Variants in ARHGAP20 observed in about 807,000 individuals in gnomAD.
The protein encoded by ARHGAP20 is Rho GTPase activating protein 20.
Under a neutral mutation model 73.7 loss-of-function variants are expected in ARHGAP20, and 34 were observed. That is an observed-to-expected ratio of 0.46 (90% CI 0.35 to 0.61). The LOEUF is 0.61. Among genes scored for constraint, ARHGAP20 ranks in the 20% least tolerant of loss-of-function variants. The probability of loss-of-function intolerance (pLI) is 0.00; values close to 1 mark genes in which losing one functional copy is unlikely to be tolerated. For missense variants in ARHGAP20, 1,314 were observed against 1,420.9 expected, an observed-to-expected ratio of 0.92 and a Z score of 1.21; for synonymous variants, 523 against 518.2, an observed-to-expected ratio of 1.01 and a Z score of -0.13.
chr11:110,648,121 T>C (rs1418756126), intron 2 of ARHGAP20, among the ~76,000 whole-genome samples: 3 of 146,972 alleles, frequency 2.0e-5, no homozygotes, highest in African/African-American at 7.4e-5. Context: ...ATCTTCCTTT[T>C]TACCAAACCC....
At chr11:110,607,618 G>T (rs547590560) in intron 8 of ARHGAP20, among the ~76,000 whole-genome samples, 1 of 151,980 alleles carries the variant, frequency 6.6e-6, no homozygotes, top group Admixed American at 6.6e-5. Flanking sequence ...GCTGGTCTAG[G>T]CATACAATGT....
At chr11:110,652,633 A>G (rs1949381041) in intron 2 of ARHGAP20, among the ~76,000 whole-genome samples, 1 of 152,168 alleles carries the variant, frequency 6.6e-6, no homozygotes, top group Non-Finnish European at 1.5e-5. Context: ...ACTTCCATTC[A>G]CAATCGCTAC....
chr11:110,637,796 C>G (rs1344146062), intron 2 of ARHGAP20, among the ~76,000 whole-genome samples: 6 of 152,048 alleles, frequency 3.9e-5, no homozygotes, highest in Non-Finnish European at 1.5e-5. Context: ...ACTGCATTGG[C>G]TAGGAAAATT....
At chr11:110,690,916 C>T in intron 1 of ARHGAP20, 3 of 1,286,358 alleles carry the variant, frequency 2.3e-6, no homozygotes, top group Non-Finnish European at 3.2e-6. Context: ...CCATCATAAC[C>T]ATTATTACTG....
At chr11:110,619,835 A>C (rs1948590788) in intron 4 of ARHGAP20, among the ~76,000 whole-genome samples, 2 of 152,022 alleles carry the variant, frequency 1.3e-5, no homozygotes. Flanking sequence ...GCAGTGATAG[A>C]GTATATGTAG....
At chr11:110,678,552 T>C (rs774510842) in intron 2 of ARHGAP20, among the ~76,000 whole-genome samples, 1 of 152,234 alleles carries the variant, frequency 6.6e-6, no homozygotes, top group African/African-American at 2.4e-5. Flanking sequence ...AGAGAAACAT[T>C]CTAGAAAGCT....
chr11:110,696,331 G>C (rs184361427), intron 1 of ARHGAP20, among the ~76,000 whole-genome samples: 1 of 151,744 alleles, frequency 6.6e-6, no homozygotes, highest in East Asian at 1.9e-4. Context: ...AATTGATTTG[G>C]TTAATACCAA....
intron 9 of ARHGAP20, among the ~76,000 whole-genome samples, chr11:110,599,993 G>C (rs1207820108): frequency 6.6e-6 from 1 of 152,206 alleles, no homozygotes; most frequent in African/African-American, 2.4e-5. Flanking sequence ...AACACTTGAT[G>C]GGGCACCCTG....
upstream of ARHGAP20, chr11:110,712,635 C>G (rs1209289887): frequency 6.6e-6 from 1 of 152,420 alleles, no homozygotes; most frequent in Non-Finnish European, 1.5e-5. Context: ...CACCGGCTGA[C>G]CTTTTCGGTC....
rs575347961 is a variant in ARHGAP20 at position 110,580,880 on chromosome 11, G to C, written c.2066C>G (p.Ala689Gly). The C allele has an allele frequency of 2.4e-5, 38 of 1,612,864 alleles. 1 individual carries two copies. In the South Asian group the frequency reaches 4.0e-4, roughly 17 times the overall value. The change falls in exon 15 of 15, where the codon GCT becomes GGT. Residue 689 changes from alanine (A) to glycine (G), a missense_variant. Transcript: ENST00000683387. Reference protein sequence around the residue: ...AMCTPSYLSTAAANAAKSLRR... With the variant: ...AMCTPSYLSTGAANAAKSLRR... Reference sequence around the variant, plus strand: ...CAGGCTTTTTGCAGCATTTGCTGCAGCTGTGGACAGGTAGCTGGGTGTGCA... The same window carrying C: ...CAGGCTTTTTGCAGCATTTGCTGCACCTGTGGACAGGTAGCTGGGTGTGCA...
chr11:110,612,726 A>C (rs1434771830), intron 6 of ARHGAP20, among the ~76,000 whole-genome samples: 1 of 152,234 alleles, frequency 6.6e-6, no homozygotes, highest in South Asian at 2.1e-4. Context: ...TTCCATTAAC[A>C]GAATTTCTTC....
intron 2 of ARHGAP20, among the ~76,000 whole-genome samples, chr11:110,659,978 G>A (rs1461698609): frequency 4.7e-5 from 7 of 148,922 alleles, no homozygotes; most frequent in Non-Finnish European, 7.4e-5. Context: ...TGGGTGCAGC[G>A]CACCAGCATG....
chr11:110,625,041 T>A lies in ARHGAP20; in HGVS notation c.354-730A>T, dbSNP rs866117210. 5.8e-3 allele frequency among the ~76,000 whole-genome samples: 802 copies of A among 138,820 alleles called. 4 individuals are homozygous for A. The highest frequency in any genetic ancestry group is 0.015 in the Middle Eastern group (4 of 272). The allele number at this position is 138,820 out of a possible 152,430, so 91.1% of individuals were successfully genotyped here. On this transcript the variant is annotated intron_variant, in intron 3 of 14. Coordinates refer to ENST00000683387, the MANE Select transcript of ARHGAP20 (RefSeq NM_001384657.1). ...TTTTATTTTTATTTTTATTTTTTTT[T>A]TTTTTTTGAGACGGAGTCTCGCTCT...
intron 9 of ARHGAP20, 123 bp downstream of exon 9, chr11:110,606,438 T>C: frequency 9.2e-7 from 1 of 1,084,134 alleles, no homozygotes; most frequent in Non-Finnish European, 1.3e-6. Flanking sequence ...AAAGTCCATC[T>C]TTCCTTTTCA....
intron 1 of ARHGAP20, chr11:110,711,693 T>C: frequency 9.0e-6 from 13 of 1,446,786 alleles, no homozygotes; most frequent in Non-Finnish European, 1.2e-5. Flanking sequence ...CGGGCAGACA[T>C]CGCCGGCCCT....
rs1565416679 is a variant in ARHGAP20 at position 110,580,010 on chromosome 11, A to G, written c.2936T>C (p.Phe979Ser). 7 of 1,614,234 alleles carry G rather than the reference A, an allele frequency of 4.3e-6. No individual in the cohort carries two copies. Among genetic ancestry groups the G allele is most frequent in the African/African-American group, 1.3e-5 (1 of 75,054 alleles). The change falls in exon 15 of 15, where the codon TTT (phenylalanine) becomes TCT (serine). Residue 979 changes from phenylalanine (F) to serine (S), a missense_variant. Physicochemically the swap from Phe to Ser is radical, Grantham distance 155. Around this residue, in one of 3 missense-constraint regions of ARHGAP20, gnomAD observed 641 missense variants for 636.9 expected, o/e 1.01. Transcript: ENST00000683387. ...GTCTTCCCGTTTTCTCTGAGCCTGAAAAGTGCAATCTATTGGAGAGGAAGT... is the reference window on the plus strand; with the variant it reads ...GTCTTCCCGTTTTCTCTGAGCCTGAGAAGTGCAATCTATTGGAGAGGAAGT... Reference protein sequence around the residue: ...TETSSPIDCTFQAQRKREDLS... With the variant: ...TETSSPIDCTSQAQRKREDLS...
rs1233986978 is a variant in ARHGAP20, at chr11:110,579,902, T to C, written c.3044A>G (p.Tyr1015Cys). The C allele has an allele frequency of 2.5e-6, 4 of 1,614,110 alleles. No homozygotes were observed. Among genetic ancestry groups the C allele is most frequent in the Non-Finnish European group, 3.4e-6 (4 of 1,180,052 alleles). ...SSGQACSRPA[Y>C]TKKDTMEWHS... ...CCACTCCATGGTGTCCTTCTTTGTA[T>C]AGGCTGGGCGGCTGCAAGCCTGCCC... The change falls in exon 15 of 15, where the codon TAT (tyrosine) becomes TGT (cysteine). Residue 1015 changes from tyrosine to cysteine, a missense_variant. Around this residue, in one of 3 missense-constraint regions of ARHGAP20, gnomAD observed 641 missense variants for 636.9 expected, o/e 1.01. Transcript: ENST00000683387.
intron 2 of ARHGAP20, among the ~76,000 whole-genome samples, chr11:110,632,945 C>T (rs1357310708): frequency 6.6e-6 from 1 of 152,106 alleles, no homozygotes; most frequent in East Asian, 1.9e-4. Flanking sequence ...TGCCTGTAAA[C>T]TTTCTTAACC....
chr11:110,658,037 GAGTC>G (rs1949510657), intron 2 of ARHGAP20, among the ~76,000 whole-genome samples: 1 of 152,126 alleles, frequency 6.6e-6, no homozygotes, highest in Non-Finnish European at 1.5e-5. Context: ...AAAAATTTAA[GAGTC>G]AGACAGACCT....
Sources: allele counts gnomAD v4.1 joint callset (sites outside exome capture counted in the v4.1 genomes callset), GRCh38; gene constraint gnomAD v4.1.1; regional missense constraint gnomAD v4.1.1; transcripts MANE v1.5; gene names NCBI Gene and HGNC (gene_info 2026-07-23, HGNC 2026-07-21).